C1orf21: variants seen among roughly 807,000 people sequenced by gnomAD.
The protein encoded by C1orf21 is uncharacterized protein C1orf21.
C1orf21 carries 3 observed loss-of-function variants against 18.7 expected under a neutral mutation model. The ratio of observed to expected loss-of-function variants is 0.16; its 90% confidence interval spans 0.07 to 0.42. C1orf21 has a LOEUF of 0.42. Ranked by LOEUF, C1orf21 falls within the 10% of genes least tolerant of loss-of-function variation. The pLI, the probability that C1orf21 is intolerant of heterozygous loss-of-function variation, is 0.99. For missense variants in C1orf21, 104 were observed against 143.6 expected (o/e 0.72, Z 1.41); for synonymous variants, 41 against 46.4 (o/e 0.88, Z 0.47).
chr1:184,522,249 TA>T (rs1474820741), intron 3 of C1orf21, among the ~76,000 whole-genome samples: 1 of 152,176 alleles, frequency 6.6e-6, no homozygotes, highest in African/African-American at 2.4e-5. Flanking sequence ...TAGGCATGTA[TA>T]TATGTATAGA....
intron 2 of C1orf21, among the ~76,000 whole-genome samples, chr1:184,496,577 T>A (rs1483880144): frequency 1.3e-5 from 2 of 152,234 alleles, no homozygotes; most frequent in African/African-American, 2.4e-5. Flanking sequence ...AGAGGAATAT[T>A]GGACCATGTC....
chr1:184,437,684 A>G (rs1314624739), intron 1 of C1orf21, among the ~76,000 whole-genome samples: 1 of 152,080 alleles, frequency 6.6e-6, no homozygotes, highest in Non-Finnish European at 1.5e-5. Context: ...CAATTTTTCC[A>G]TGAATGGGGT....
chr1:184,412,306 C>A (rs1656368135), intron 1 of C1orf21: 1 of 152,238 alleles, frequency 6.6e-6, no homozygotes, highest in African/African-American at 2.4e-5. Context: ...ATTACAGACT[C>A]AGGGTAATGT....
At chr1:184,586,128 G>A (rs117336049) in intron 3 of C1orf21, among the ~76,000 whole-genome samples, 4 of 152,024 alleles carry the variant, frequency 2.6e-5, no homozygotes, top group African/African-American at 9.7e-5. Context: ...GTTATTTTTC[G>A]ACTTTTTAAT....
At chr1:184,419,338 T>C (rs935567843) in intron 1 of C1orf21, among the ~76,000 whole-genome samples, 2 of 152,232 alleles carry the variant, frequency 1.3e-5, no homozygotes, top group Admixed American at 6.5e-5. Flanking sequence ...TTTCATACTA[T>C]AGTAACTCAG....
At chr1:184,533,138 CCT>C (rs1431025554) in intron 3 of C1orf21, among the ~76,000 whole-genome samples, 1 of 151,678 alleles carries the variant, frequency 6.6e-6, no homozygotes, top group East Asian at 1.9e-4. Flanking sequence ...TCTCTGGGGT[CCT>C]CTCTCTCCCT....
chr1:184,488,426 T>C (rs1657765289), intron 2 of C1orf21, among the ~76,000 whole-genome samples: 1 of 152,084 alleles, frequency 6.6e-6, no homozygotes, highest in East Asian at 1.9e-4. Flanking sequence ...AAGTAAGGAG[T>C]AAAGCACCAT....
At chr1:184,466,644 T>C (rs879236912) in intron 1 of C1orf21, among the ~76,000 whole-genome samples, 1 of 152,240 alleles carries the variant, frequency 6.6e-6, no homozygotes, top group Admixed American at 6.5e-5. Context: ...TTTTGCCTTC[T>C]AAGGACATCA....
intron 2 of C1orf21, among the ~76,000 whole-genome samples, chr1:184,480,934 G>A (rs1264825740): frequency 6.6e-6 from 1 of 152,154 alleles, no homozygotes; most frequent in African/African-American, 2.4e-5. Flanking sequence ...CCAGGTGGGA[G>A]AGCCTTCCAT....
At chr1:184,390,214 G>A (rs554005284) in intron 1 of C1orf21, among the ~76,000 whole-genome samples, 1 of 152,314 alleles carries the variant, frequency 6.6e-6, no homozygotes, top group East Asian at 1.9e-4. Flanking sequence ...CTGATGTTTA[G>A]CTGGTATCTT....
intron 4 of C1orf21, among the ~76,000 whole-genome samples, chr1:184,591,172 A>C (rs1403584967): frequency 6.6e-6 from 1 of 152,252 alleles, no homozygotes; most frequent in Non-Finnish European, 1.5e-5. Context: ...CACAGATACC[A>C]AGGAACAACT....
intron 3 of C1orf21, among the ~76,000 whole-genome samples, chr1:184,565,197 A>G (rs556881730): frequency 7.2e-5 from 11 of 152,348 alleles, no homozygotes; most frequent in South Asian, 6.2e-4. Flanking sequence ...CACACATAAT[A>G]AATTTAGAAC....
intron 5 of C1orf21, among the ~76,000 whole-genome samples, chr1:184,607,032 C>T (rs1659655861): frequency 1.3e-5 from 2 of 152,212 alleles, no homozygotes; most frequent in South Asian, 4.1e-4. Context: ...CTTTATTCCT[C>T]TCTTTCACAA....
chr1:184,535,642 A>G (rs1182327933), intron 3 of C1orf21, among the ~76,000 whole-genome samples: 3 of 152,238 alleles, frequency 2.0e-5, no homozygotes, highest in African/African-American at 7.2e-5. Flanking sequence ...CAAATGCAGC[A>G]TCATAGATGG....
chr1:184,527,206 C>T (rs549516722), intron 3 of C1orf21, among the ~76,000 whole-genome samples: 97 of 152,290 alleles, frequency 6.4e-4, no homozygotes, highest in African/African-American at 2.3e-3. Context: ...TTGGGAATAT[C>T]CTCTATGCCA....
intron 2 of C1orf21, among the ~76,000 whole-genome samples, chr1:184,487,536 GAATA>G (rs1167132231): frequency 6.6e-6 from 1 of 152,158 alleles, no homozygotes; most frequent in Admixed American, 6.5e-5. Flanking sequence ...TCCTCCTTGG[GAATA>G]ACACATTGAT....
intron 5 of C1orf21, among the ~76,000 whole-genome samples, chr1:184,615,924 C>A (rs183457564): frequency 2.2e-4 from 33 of 152,294 alleles, no homozygotes; most frequent in Non-Finnish European, 4.4e-4. Context: ...CAAGAGTTAT[C>A]ATTTCTTTGT....
At chr1:184,539,283 G>A (rs189397989) in intron 3 of C1orf21, among the ~76,000 whole-genome samples, 31 of 152,154 alleles carry the variant, frequency 2.0e-4, no homozygotes, top group Non-Finnish European at 4.3e-4. Flanking sequence ...CTGTAAATGT[G>A]GTATATTACA....
In C1orf21 at chr1:184,544,702, C is replaced by T. The variant is rs146878523; in HGVS notation, c.189+37020C>T. 2.3e-4 allele frequency among the ~76,000 whole-genome samples: 35 copies of T among 152,256 alleles called. No homozygotes were observed. The East Asian group carries it at 6.6e-3, about 29-fold the overall frequency. ...GCTTAAAACAACAAATATTTATTAT[C>T]TCATACAGTTTCTGAGTTCAGGAAT... On this transcript the variant is annotated intron_variant, in intron 3 of 5. Coordinates refer to ENST00000235307, the MANE Select transcript of C1orf21 (RefSeq NM_030806.4).
Sources: allele counts gnomAD v4.1 joint callset (sites outside exome capture counted in the v4.1 genomes callset), GRCh38; gene constraint gnomAD v4.1.1; transcripts MANE v1.5; gene names NCBI Gene and HGNC (gene_info 2026-07-23, HGNC 2026-07-21).